Variants in SYT12 observed in about 807,000 individuals in gnomAD.
SYT12 encodes synaptotagmin 12, also known as synaptotagmin-12.
In SYT12, 27 loss-of-function variants were observed where a neutral mutation model predicts 39.5. That is an observed-to-expected ratio of 0.68 (90% confidence interval 0.50 to 0.94). The LOEUF is 0.94. Among genes scored for constraint, SYT12 ranks in the 40% least tolerant of loss-of-function variants. The pLI, the probability that SYT12 is intolerant of heterozygous loss-of-function variation, is 0.00. For missense variants in SYT12, 536 were observed against 572.6 expected (o/e 0.94, Z 0.65); for synonymous variants, 233 against 239.7 (o/e 0.97, Z 0.26).
At position 67,049,269 on chromosome 11, in the gene SYT12, G is replaced by A. The variant is rs1854677547; in HGVS notation, c.*512G>A. 1 of 153,592 alleles carries A rather than the reference G, an allele frequency of 6.5e-6. No homozygotes were observed. Among genetic ancestry groups the A allele is most frequent in the Admixed American group, 6.5e-5 (1 of 15,500 alleles). The allele number at this position is 153,592 out of a possible 1,614,324, so 9.5% of individuals were successfully genotyped here. A position where few individuals can be genotyped will look rare whatever the true frequency, so the allele number is the denominator to read the frequency against. On this transcript the variant is annotated 3_prime_UTR_variant, in exon 8 of 8. Coordinates refer to ENST00000527043, the MANE Select transcript of SYT12 (RefSeq NM_177963.4). ...GGTAGGAGCTGTGCTTGGAGGGGCA[G>A]GAAAAGAACTGAGCATGTCGCAGGC...
chr11:67,039,641 C>G (rs1317577960), intron 3 of SYT12, among the ~76,000 whole-genome samples, 170 bp from the exon 4 acceptor site: 1 of 152,090 alleles, frequency 6.6e-6, no homozygotes, highest in African/African-American at 2.4e-5. Flanking sequence ...AAATAAGTGA[C>G]ATGAAATAAT....
intron 7 of SYT12, among the ~76,000 whole-genome samples, chr11:67,046,116 G>A (rs1335149383): frequency 6.6e-6 from 1 of 151,550 alleles, no homozygotes; most frequent in African/African-American, 2.4e-5. Flanking sequence ...CACTAAGAGT[G>A]TCCTCAGGTG....
At chr11:67,041,748 G>A (rs1382598209) in intron 4 of SYT12, among the ~76,000 whole-genome samples, 2 of 152,328 alleles carry the variant, frequency 1.3e-5, no homozygotes, top group Non-Finnish European at 2.9e-5. Context: ...CTGCAGAGAG[G>A]GACTTCCCTC....
chr11:67,037,298 A>G lies in SYT12; in HGVS notation c.228+2460A>G, dbSNP rs999547282. Among the ~76,000 whole-genome samples the G allele has an allele frequency of 4.6e-5, 7 of 152,294 alleles. No homozygotes were observed. In the South Asian group the frequency reaches 8.3e-4, roughly 18 times the overall value. ...TCTGAGCCAGGATTTTAAGAAGGCT[A>G]TTCAGTACTGCAGTATTTGTATTTC... On this transcript the variant is annotated intron_variant, in intron 3 of 7. Transcript: ENST00000527043.
At chr11:67,019,404 G>A (rs914852148), upstream of SYT12, among the ~76,000 whole-genome samples, 2 of 151,882 alleles carry the variant, frequency 1.3e-5, no homozygotes, top group African/African-American at 4.8e-5. Flanking sequence ...CCTGGGAGGC[G>A]GAGGTTGCAG....
intron 3 of SYT12, among the ~76,000 whole-genome samples, chr11:67,038,891 G>A (rs570922936): frequency 2.2e-4 from 33 of 152,176 alleles, no homozygotes; most frequent in South Asian, 1.0e-3. Flanking sequence ...GGAGGCTGAG[G>A]CAGGAGAATT....
intron 1 of SYT12, chr11:67,028,540 C>T (rs536159665): frequency 6.6e-6 from 1 of 152,366 alleles, no homozygotes; most frequent in African/African-American, 2.4e-5. Flanking sequence ...TGGAGCATGG[C>T]ACCGAAGCTT....
Position 67,034,675 on chromosome 11 carries a change from G to A in SYT12, c.65G>A (p.Gly22Asp). 6.3e-7 allele frequency: 1 copy of A among 1,597,916 alleles called. No individual in the cohort carries two copies. The highest frequency in any genetic ancestry group is 8.5e-7 in the Non-Finnish European group (1 of 1,173,594). Residue 22 changes from glycine (G) to aspartate (D), a missense_variant, in exon 3 of 8, where the codon GGT (glycine) becomes GAT (aspartate). Physicochemically the swap from Gly to Asp is moderately conservative, Grantham distance 94. Coordinates refer to ENST00000527043, the MANE Select transcript of SYT12 (RefSeq NM_177963.4). ...AAGAGCCCCCCTGGCTGGGAGGTGG[G>A]TGTCTATGCTGCAGGGGCCCTGGCC... The part of the protein sequence containing the change: ...VIKSPPGWEV[G>D]VYAAGALALL...
At chr11:67,044,225 G>T (rs1057286901) in intron 5 of SYT12, among the ~76,000 whole-genome samples, 3 of 152,184 alleles carry the variant, frequency 2.0e-5, no homozygotes, top group African/African-American at 7.2e-5. Context: ...TTTAATCAAA[G>T]AATCTAATTC....
chr11:67,045,901 AG>A (rs750321738), intron 7 of SYT12, 24 bp downstream of exon 7: 8 of 1,612,562 alleles, frequency 5.0e-6, no homozygotes, highest in Non-Finnish European at 6.8e-6. Context: ...GGGGATGGGA[AG>A]GGGCCAGGTC....
At position 67,040,303 on chromosome 11, in the gene SYT12, G is replaced by GGA. The variant is rs1591373050; in HGVS notation, c.621+100_621+101insGA. On this transcript the variant is annotated intron_variant, in intron 4 of 7. Coordinates refer to ENST00000527043, the MANE Select transcript of SYT12 (RefSeq NM_177963.4). ...GGCCCGGCAGGATCCCAGAAAGGCA[G>GGA]TAGAGTGCAAGTATGGATGCTGATC... is the stretch of plus-strand genomic sequence containing the variant. The GGA allele has an allele frequency of 3.6e-5, 52 of 1,462,976 alleles. No individual in the cohort carries two copies. In the East Asian group the frequency reaches 1.1e-3, roughly 32 times the overall value. The allele number at this position is 1,462,976 out of a possible 1,614,324, so 90.6% of individuals were successfully genotyped here. A position where few individuals can be genotyped will look rare whatever the true frequency, so the allele number is the denominator to read the frequency against.
At chr11:67,013,269 C>T (rs1393992675) in intron 3 of SYT12, among the ~76,000 whole-genome samples, 1 of 152,146 alleles carries the variant, frequency 6.6e-6, no homozygotes, top group African/African-American at 2.4e-5. Flanking sequence ...GGAGCTTGCC[C>T]CAACTCGGGG....
intron 1 of SYT12, chr11:67,027,400 T>TGAGGCAGGAGAATCACTTG (rs1950195819): frequency 6.8e-6 from 1 of 147,502 alleles, no homozygotes; most frequent in African/African-American, 2.5e-5. Context: ...CTTGGGAGGC[T>TGAGGCAGGAGAATCACTTG]GAGGCAGGAG....
intron 3 of SYT12, among the ~76,000 whole-genome samples, chr11:67,035,331 C>CTT (rs778976882): frequency 2.9e-5 from 4 of 136,498 alleles, no homozygotes; most frequent in African/African-American, 1.1e-4. Flanking sequence ...TTCTTTCTTT[C>CTT]TTTTTTTTTT....
In SYT12 at chr11:67,048,703, G is replaced by A. The variant is rs751865754; in HGVS notation, c.1212G>A (p.Met404Ile). The A allele has an allele frequency of 2.5e-6, 4 of 1,611,806 alleles. No homozygotes were observed. The South Asian group carries it at 4.4e-5, about 18-fold the overall frequency. Residue 404 changes from methionine to isoleucine, a missense_variant, in exon 8 of 8, where the codon ATG becomes ATA. By Grantham distance (10) the Met-to-Ile change is conservative. Transcript: ENST00000527043. ...SGMGTTHWNQ[M>I]LATLRRPVSM... ...TGGGAACCACACATTGGAACCAGATGTTGGCCACGCTGCGCAGGCCCGTGT... is the reference window on the plus strand; with the variant it reads ...TGGGAACCACACATTGGAACCAGATATTGGCCACGCTGCGCAGGCCCGTGT...
At chr11:67,022,806 A>T (rs1262390362), upstream of SYT12, 1 of 152,264 alleles carries the variant, frequency 6.6e-6, no homozygotes, top group Non-Finnish European at 1.5e-5. Flanking sequence ...GCTGACCTAC[A>T]GCTCAATCGT....
chr11:67,043,579 T>C, intron 4 of SYT12, 59 bp from the exon 5 acceptor site: 2 of 1,537,630 alleles, frequency 1.3e-6, no homozygotes, highest in South Asian at 2.2e-5. Context: ...TGTCCAGTGC[T>C]GTCTCCCTGC....
chr11:67,047,824 T>G (rs1314508232), intron 7 of SYT12, among the ~76,000 whole-genome samples: 8 of 137,246 alleles, frequency 5.8e-5, no homozygotes, highest in Non-Finnish European at 1.1e-4. Context: ...GTCTCGCTCT[T>G]TCGCCCAGGC....
intron 3 of SYT12, among the ~76,000 whole-genome samples, chr11:67,015,496 C>T (rs1268361595): frequency 6.6e-6 from 1 of 151,998 alleles, no homozygotes; most frequent in East Asian, 1.9e-4. Flanking sequence ...TGATGGGAGT[C>T]CCAGCTGGGA....
Sources: gnomAD v4.1 joint callset for allele counts (sites outside exome capture counted in the v4.1 genomes callset) on GRCh38, gnomAD v4.1.1 for gene constraint, MANE v1.5 for transcripts, NCBI Gene and HGNC (gene_info 2026-07-23, HGNC 2026-07-21) for gene names.